AOAH: variants seen among roughly 807,000 people sequenced by gnomAD.
The protein encoded by AOAH is acyloxyacyl hydrolase (neutrophil).
A neutral mutation model predicts 92.2 loss-of-function variants in AOAH; 64 were observed. The observed-to-expected ratio is 0.69, with a 90% CI of 0.57 to 0.86. AOAH has a LOEUF of 0.86. AOAH is among the 40% of genes least tolerant of loss of function. The pLI is 0.00. For missense variants in AOAH, 656 were observed against 694.6 expected (o/e 0.94, Z 0.62); for synonymous variants, 263 against 254.5 (o/e 1.03, Z -0.32).
chr7:36,526,909 G>A (rs28642376), intron 19 of AOAH, among the ~76,000 whole-genome samples: 12,949 of 152,232 alleles, frequency 0.085, 980 homozygotes, highest in African/African-American at 0.2. Context: ...TTCATGGTGC[G>A]GGGAACCAAG....
chr7:36,542,989 G>C (rs1251543720), intron 15 of AOAH, among the ~76,000 whole-genome samples: 1 of 151,700 alleles, frequency 6.6e-6, no homozygotes. Context: ...AATACTTTTG[G>C]TGCCATGGGG....
chr7:36,586,845 C>T (rs1789368071), intron 12 of AOAH, among the ~76,000 whole-genome samples: 1 of 152,050 alleles, frequency 6.6e-6, no homozygotes, highest in Non-Finnish European at 1.5e-5. Context: ...TATATGTTTT[C>T]CAAAACCCTC....
chr7:36,719,548 G>A (rs1403188207), intron 1 of AOAH, among the ~76,000 whole-genome samples: 1 of 152,158 alleles, frequency 6.6e-6, no homozygotes, highest in African/African-American at 2.4e-5. Context: ...AGGTTATTAT[G>A]ATCTTACAAA....
intron 2 of AOAH, among the ~76,000 whole-genome samples, chr7:36,679,432 G>C (rs548886860): frequency 9.2e-5 from 14 of 151,458 alleles, no homozygotes; most frequent in Non-Finnish European, 1.8e-4. Context: ...ATAGCAAGTG[G>C]TTCAGCTGAG....
At chr7:36,536,281 C>G (rs560095376) in intron 16 of AOAH, among the ~76,000 whole-genome samples, 2 of 152,212 alleles carry the variant, frequency 1.3e-5, no homozygotes, top group African/African-American at 4.8e-5. Context: ...GTTTCCTGAA[C>G]GCTTTCTTAA....
chr7:36,706,671 G>A (rs1028811430), intron 1 of AOAH, among the ~76,000 whole-genome samples: 1 of 152,136 alleles, frequency 6.6e-6, no homozygotes, highest in African/African-American at 2.4e-5. Context: ...ACAATCATTT[G>A]CTTAGAACAG....
intron 2 of AOAH, among the ~76,000 whole-genome samples, chr7:36,679,627 A>G (rs1796515404): frequency 6.6e-6 from 1 of 151,338 alleles, no homozygotes. Flanking sequence ...ATTATTATAT[A>G]CAAACTTGAA....
chr7:36,609,303 C>A (rs1027273276), intron 11 of AOAH, among the ~76,000 whole-genome samples: 6 of 152,160 alleles, frequency 3.9e-5, no homozygotes, highest in African/African-American at 1.4e-4. Flanking sequence ...CCCGCTCTCC[C>A]CCTAAACCAA....
At chr7:36,623,442 C>T (rs1792429576) in intron 6 of AOAH, among the ~76,000 whole-genome samples, 192 bp from the exon 7 acceptor site, 1 of 152,158 alleles carries the variant, frequency 6.6e-6, no homozygotes, top group Admixed American at 6.5e-5. Flanking sequence ...CTGCTCTTTA[C>T]CCAACAGAAC....
At chr7:36,545,424 T>A (rs1177702435) in intron 15 of AOAH, among the ~76,000 whole-genome samples, 1 of 152,134 alleles carries the variant, frequency 6.6e-6, no homozygotes, top group Non-Finnish European at 1.5e-5. Context: ...TTTTCTATCA[T>A]CTGAATAAAT....
chr7:36,659,512 G>A (rs1166383213), intron 3 of AOAH, among the ~76,000 whole-genome samples: 1 of 152,186 alleles, frequency 6.6e-6, no homozygotes, highest in East Asian at 1.9e-4. Context: ...TGAGCTGCCA[G>A]TCAGCCTCTC....
intron 13 of AOAH, among the ~76,000 whole-genome samples, chr7:36,557,567 T>C (rs1583813375): frequency 6.6e-6 from 1 of 152,250 alleles, no homozygotes; most frequent in African/African-American, 2.4e-5. Flanking sequence ...CTGGATAATA[T>C]CCTGTAGAGT....
At chr7:36,603,937 C>T (rs1482045716) in intron 11 of AOAH, among the ~76,000 whole-genome samples, 1 of 152,168 alleles carries the variant, frequency 6.6e-6, no homozygotes, top group Non-Finnish European at 1.5e-5. Context: ...TCTGCTATAG[C>T]AAGATACCTT....
At chr7:36,665,998 C>G (rs925572330) in intron 3 of AOAH, among the ~76,000 whole-genome samples, 9 of 151,944 alleles carry the variant, frequency 5.9e-5, no homozygotes. Context: ...AGATATTGGT[C>G]TGTAGTTTTC....
At chr7:36,562,414 G>T (rs963913912) in intron 13 of AOAH, among the ~76,000 whole-genome samples, 1 of 152,160 alleles carries the variant, frequency 6.6e-6, no homozygotes, top group African/African-American at 2.4e-5. Context: ...CCCTTAAGAA[G>T]TCTATATTCT....
Position 36,614,057 on chromosome 7 carries a change from C to T in AOAH, c.846+2323G>A, listed in dbSNP as rs566555814. On this transcript the variant is annotated intron_variant, in intron 11 of 20. Transcript: ENST00000617537. This position sits in a 1 kb window ranked among gnomAD's most constrained non-coding sequence, Gnocchi z 4.2. ...GTCAAGGAAAAAATGATAATTTCTG[C>T]GGGTTAATTTCTCTGGATCAGTTTC... Among the ~76,000 whole-genome samples the T allele has an allele frequency of 1.3e-4, 20 of 152,202 alleles. No homozygotes were observed. Among genetic ancestry groups the T allele is most frequent in the South Asian group, 4.1e-4 (2 of 4,822 alleles).
At chr7:36,664,711 T>G (rs1296734787) in intron 3 of AOAH, among the ~76,000 whole-genome samples, 3 of 151,624 alleles carry the variant, frequency 2.0e-5, no homozygotes, top group African/African-American at 7.3e-5. Flanking sequence ...CTGTTTTGCA[T>G]TGCCATAAAA....
intron 18 of AOAH, among the ~76,000 whole-genome samples, chr7:36,531,887 G>T (rs1007726505): frequency 3.3e-5 from 5 of 151,772 alleles, no homozygotes; most frequent in African/African-American, 1.2e-4. Context: ...CACAGGGGAG[G>T]GTGTGTACAC....
chr7:36,616,850 A>C (rs1791924771), intron 10 of AOAH, among the ~76,000 whole-genome samples: 1 of 152,208 alleles, frequency 6.6e-6, no homozygotes, highest in Non-Finnish European at 1.5e-5. Context: ...AATTCACTTT[A>C]AGGGTTAATG....
Sources: allele counts gnomAD v4.1 joint callset (sites outside exome capture counted in the v4.1 genomes callset), GRCh38; gene constraint gnomAD v4.1.1; non-coding constraint Gnocchi (gnomAD v3.1); transcripts MANE v1.5; gene names NCBI Gene and HGNC (gene_info 2026-07-23, HGNC 2026-07-21).